Variants in GPHN observed in about 807,000 individuals in gnomAD.
GPHN encodes the protein gephyrin.
In GPHN, 17 loss-of-function variants were observed where a neutral mutation model predicts 95.5. The ratio of observed to expected loss-of-function variants is 0.18; its 90% CI spans 0.12 to 0.27. The LOEUF is 0.27. GPHN is among the 10% of genes least tolerant of loss of function. The probability of loss-of-function intolerance (pLI) is 1.00; values close to 1 mark genes in which losing one functional copy is unlikely to be tolerated. For synonymous variants in GPHN, 320 were observed against 322.5 expected, an observed-to-expected ratio of 0.99 and a Z score of 0.08; for missense variants, 660 against 978.1, an observed-to-expected ratio of 0.67 and a Z score of 4.34.
chr14:67,311,631 T>A, the GPHN span, among the ~76,000 whole-genome samples: 3 of 152,168 alleles, frequency 2.0e-5, no homozygotes, highest in African/African-American at 7.2e-5. Flanking sequence ...GAATAGTCTG[T>A]CATATCTTAC....
At chr14:66,729,699 G>A (rs2071593311) in intron 2 of GPHN, among the ~76,000 whole-genome samples, 1 of 152,152 alleles carries the variant, frequency 6.6e-6, no homozygotes, top group African/African-American at 2.4e-5. Flanking sequence ...AAATCTGAAT[G>A]TGGTTTAATA....
intron 8 of GPHN, among the ~76,000 whole-genome samples, chr14:66,933,880 T>C (rs2153568154): frequency 6.6e-6 from 1 of 152,206 alleles, no homozygotes; most frequent in South Asian, 2.1e-4. Context: ...TTCTCATGCC[T>C]GTAATACCAG....
chr14:66,734,665 A>G (rs1365441518), intron 2 of GPHN, among the ~76,000 whole-genome samples: 3 of 152,150 alleles, frequency 2.0e-5, no homozygotes, highest in African/African-American at 7.2e-5. Context: ...TTTTATGTGG[A>G]TATTTCCCCA....
chr14:66,963,574 G>A (rs2069109038), intron 8 of GPHN, among the ~76,000 whole-genome samples: 1 of 151,952 alleles, frequency 6.6e-6, no homozygotes, highest in African/African-American at 2.4e-5. Flanking sequence ...ATGGGTATTT[G>A]ACCTTCTTTT....
chr14:67,284,464 G>T, the GPHN span, among the ~76,000 whole-genome samples: 1 of 120,892 alleles, frequency 8.3e-6, no homozygotes, highest in Non-Finnish European at 1.6e-5. Context: ...ATGGTGGTAT[G>T]CTTCTGTAGT....
At chr14:67,589,352 C>T in the GPHN span, 1 of 983,202 alleles carries the variant, frequency 1.0e-6, no homozygotes, top group Non-Finnish European at 1.2e-6. Flanking sequence ...ATGAGAGTCC[C>T]ATGTCTGAAA....
the GPHN span, among the ~76,000 whole-genome samples, chr14:67,680,996 A>T: frequency 1.3e-5 from 2 of 152,242 alleles, no homozygotes; most frequent in African/African-American, 4.8e-5. Flanking sequence ...TGACAAGCTT[A>T]CTGTTATACT....
At chr14:67,329,660 C>G in the GPHN span, among the ~76,000 whole-genome samples, 1 of 151,978 alleles carries the variant, frequency 6.6e-6, no homozygotes, top group South Asian at 2.1e-4. Flanking sequence ...GGACGCATCA[C>G]TTGAGGCCAG....
the GPHN span, among the ~76,000 whole-genome samples, chr14:67,724,110 T>TAG: frequency 8.3e-6 from 1 of 120,648 alleles, no homozygotes; most frequent in Non-Finnish European, 1.9e-5. Context: ...CATGCATATG[T>TAG]TTTGAATGTA....
intron 4 of GPHN, among the ~76,000 whole-genome samples, chr14:66,852,396 C>T (rs543213387): frequency 6.6e-6 from 1 of 152,226 alleles, no homozygotes; most frequent in African/African-American, 2.4e-5. Flanking sequence ...TGTGTGCGTG[C>T]GCGTGCGCGT....
At chr14:67,498,937 G>A in the GPHN span, among the ~76,000 whole-genome samples, 2 of 152,050 alleles carry the variant, frequency 1.3e-5, no homozygotes, top group South Asian at 4.2e-4. Flanking sequence ...CCAAAATGCT[G>A]GGATTACAGG....
the GPHN span, chr14:67,729,231 C>G: frequency 6.2e-7 from 1 of 1,611,476 alleles, no homozygotes; most frequent in South Asian, 1.1e-5. Context: ...CAGGCGTCGT[C>G]CGCTCTGAGC....
chr14:67,263,909 GGTGGGGTCTCACT>G, the GPHN span, among the ~76,000 whole-genome samples: 1 of 151,982 alleles, frequency 6.6e-6, no homozygotes, highest in East Asian at 1.9e-4. Context: ...TTTTTTTAGA[GGTGGGGTCTCACT>G]GTATTGCCCC....
chr14:66,866,618 A>G (rs1007993725), intron 4 of GPHN, among the ~76,000 whole-genome samples: 5 of 152,310 alleles, frequency 3.3e-5, no homozygotes, highest in South Asian at 2.1e-4. Flanking sequence ...TTGGTTCTTG[A>G]ACAGGGGTTG....
chr14:67,668,210 C>T, the GPHN span, among the ~76,000 whole-genome samples: 5 of 152,200 alleles, frequency 3.3e-5, no homozygotes, highest in Admixed American at 1.3e-4. Context: ...GAAATCATGA[C>T]CACAGGCATT....
chr14:67,657,104 A>C, the GPHN span: 1 of 152,330 alleles, frequency 6.6e-6, no homozygotes, highest in Non-Finnish European at 1.5e-5. Context: ...CTTCGTTTTA[A>C]GCCTCCAGCA....
chr14:66,584,571 T>C (rs2061341827), intron 1 of GPHN, among the ~76,000 whole-genome samples: 1 of 152,152 alleles, frequency 6.6e-6, no homozygotes, highest in Non-Finnish European at 1.5e-5. Context: ...CATCAATATC[T>C]AATTTATTGA....
the GPHN span, among the ~76,000 whole-genome samples, chr14:67,582,540 C>T: frequency 1.3e-5 from 2 of 152,066 alleles, no homozygotes; most frequent in East Asian, 1.9e-4. This position sits in a 1 kb window ranked among gnomAD's most constrained non-coding sequence, Gnocchi z 5.0. Context: ...AATACTTGGC[C>T]GGGAGCAGTG....
intron 1 of GPHN, among the ~76,000 whole-genome samples, chr14:66,572,185 A>G (rs142416394): frequency 1.1e-4 from 17 of 152,298 alleles, no homozygotes; most frequent in African/African-American, 3.6e-4. Context: ...AAATCAGGCA[A>G]TATGATGCAT....
Sources: allele counts gnomAD v4.1 joint callset (sites outside exome capture counted in the v4.1 genomes callset), GRCh38; gene constraint gnomAD v4.1.1; non-coding constraint Gnocchi (gnomAD v3.1); transcripts MANE v1.5; gene names NCBI Gene and HGNC (gene_info 2026-07-23, HGNC 2026-07-21).